AGPAT5: variants seen among roughly 807,000 people sequenced by gnomAD.
AGPAT5 encodes the protein 1-acylglycerol-3-phosphate O-acyltransferase 5, also known as 1-acyl-sn-glycerol-3-phosphate acyltransferase epsilon.
Under a neutral mutation model 45.6 loss-of-function variants are expected in AGPAT5, and 46 were observed. The observed-to-expected ratio is 1.01, with a 90% CI of 0.80 to 1.29. The LOEUF is 1.29. AGPAT5 is among the 50% of genes most tolerant of loss of function. The pLI is 0.00. For missense variants in AGPAT5, 673 were observed against 450.7 expected, an observed-to-expected ratio of 1.49 and a Z score of -4.47; for synonymous variants, 272 against 167.0, an observed-to-expected ratio of 1.63 and a Z score of -4.85.
intron 7 of AGPAT5, 75 bp from the exon 8 acceptor site, chr8:6,757,088 A>T: frequency 8.9e-7 from 1 of 1,128,866 alleles, no homozygotes; most frequent in Non-Finnish European, 1.3e-6. Context: ...AGCGTGTAAT[A>T]GCTACCTGAT....
chr8:6,747,278 G>A (rs1026320279), intron 5 of AGPAT5, among the ~76,000 whole-genome samples: 1 of 152,226 alleles, frequency 6.6e-6, no homozygotes, highest in Non-Finnish European at 1.5e-5. Flanking sequence ...AGAAACAGGA[G>A]GCCATGTGCT....
Position 6,757,159 on chromosome 8 carries a change from A to G in AGPAT5, c.870-4A>G, listed in dbSNP as rs200007113. 1,147 of 1,611,122 alleles carry G rather than the reference A, an allele frequency of 7.1e-4. 4 individuals carry two copies. In the Middle Eastern group the frequency reaches 0.013, roughly 18 times the overall value. On this transcript the variant is annotated splice_region_variant and splice_polypyrimidine_tract_variant and intron_variant, in intron 7 of 7. Coordinates refer to ENST00000285518, the MANE Select transcript of AGPAT5 (RefSeq NM_018361.5). ...AATCTAAACTTTTTCCATTCTGGCC[A>G]TAGGATGCTTATAGAATTTTATGAG...
At chr8:6,709,399 T>A (rs28476773) in intron 1 of AGPAT5, 100,751 of 155,750 alleles carry the variant, frequency 0.65, 33,184 homozygotes, top group African/African-American at 0.76. Flanking sequence ...ACTAGATACA[T>A]TTCTTGCCAA....
At chr8:6,728,088 T>A (rs1195416884) in intron 2 of AGPAT5, among the ~76,000 whole-genome samples, 1 of 152,174 alleles carries the variant, frequency 6.6e-6, no homozygotes, top group Non-Finnish European at 1.5e-5. Context: ...AGGGCCCTCA[T>A]GAATTAGGAA....
chr8:6,719,396 A>G (rs1220178999), intron 1 of AGPAT5, among the ~76,000 whole-genome samples: 1 of 152,218 alleles, frequency 6.6e-6, no homozygotes, highest in Admixed American at 6.5e-5. Context: ...AGTAGTAGGC[A>G]GGAATTCAAT....
rs1361819457 is a variant in AGPAT5 at position 6,761,043 on chromosome 8, G to A, written c.*3655G>A. Among the ~76,000 whole-genome samples, 1 of 152,034 alleles carries A rather than the reference G, an allele frequency of 6.6e-6. No homozygotes were observed. The highest frequency in any genetic ancestry group is 1.5e-5 in the Non-Finnish European group (1 of 68,028). ...GTAAATCTATTCCTGTAGCAACTGG[G>A]GAGTCATATATGAGGTCAAAGACAT... On this transcript the variant is annotated 3_prime_UTR_variant, in exon 8 of 8. Coordinates refer to ENST00000285518, the MANE Select transcript of AGPAT5 (RefSeq NM_018361.5).
intron 4 of AGPAT5, among the ~76,000 whole-genome samples, chr8:6,741,347 T>A (rs1217530894): frequency 1.3e-5 from 2 of 152,180 alleles, no homozygotes; most frequent in African/African-American, 4.8e-5. Flanking sequence ...TGAGGCTTTG[T>A]ATGAGTCAGC....
chr8:6,731,440 CTA>C (rs1800860186), intron 3 of AGPAT5, among the ~76,000 whole-genome samples: 1 of 152,108 alleles, frequency 6.6e-6, no homozygotes, highest in African/African-American at 2.4e-5. Flanking sequence ...TAAATCATCT[CTA>C]GATTACTTAT....
At chr8:6,750,256 A>T (rs1262055021) in intron 6 of AGPAT5, among the ~76,000 whole-genome samples, 1 of 152,206 alleles carries the variant, frequency 6.6e-6, no homozygotes, top group Non-Finnish European at 1.5e-5. Flanking sequence ...CAGCCGCATC[A>T]TAAGTGCCTT....
intron 1 of AGPAT5, among the ~76,000 whole-genome samples, chr8:6,716,510 C>T (rs1194639002): frequency 6.6e-6 from 1 of 151,554 alleles, no homozygotes; most frequent in East Asian, 1.9e-4. Context: ...CCAGCTTGGG[C>T]GACAGAGTGA....
chr8:6,712,816 A>T (rs892363908), intron 1 of AGPAT5, among the ~76,000 whole-genome samples: 2 of 152,230 alleles, frequency 1.3e-5, no homozygotes, highest in Admixed American at 1.3e-4. Flanking sequence ...AATAATGACA[A>T]ATCTTTTTAG....
At chr8:6,747,874 G>C (rs1457476509) in intron 6 of AGPAT5, 46 bp downstream of exon 6, 4 of 1,540,678 alleles carry the variant, frequency 2.6e-6, no homozygotes, top group East Asian at 2.3e-5. Context: ...GGTATATACA[G>C]TGCACATGTT....
At chr8:6,748,419 A>G (rs1455214942) in intron 6 of AGPAT5, among the ~76,000 whole-genome samples, 2 of 152,212 alleles carry the variant, frequency 1.3e-5, no homozygotes, top group Non-Finnish European at 2.9e-5. Context: ...CAAACAGGGA[A>G]GTGTGTGGAG....
chr8:6,749,194 C>A (rs1423108526), intron 6 of AGPAT5, among the ~76,000 whole-genome samples: 1 of 152,104 alleles, frequency 6.6e-6, no homozygotes, highest in Non-Finnish European at 1.5e-5. Flanking sequence ...AGATGAGGGT[C>A]ACTCAGGTTT....
At chr8:6,749,682 TTACC>T (rs1011203354) in intron 6 of AGPAT5, among the ~76,000 whole-genome samples, 11 of 152,248 alleles carry the variant, frequency 7.2e-5, no homozygotes, top group African/African-American at 2.7e-4. Flanking sequence ...AAGGAGTTAC[TTACC>T]TATTTTTGCA....
chr8:6,747,243 A>G (rs959433477), intron 5 of AGPAT5, among the ~76,000 whole-genome samples: 9 of 152,244 alleles, frequency 5.9e-5, no homozygotes, highest in Non-Finnish European at 8.8e-5. Flanking sequence ...GATGAACCTC[A>G]GATCCATGCT....
At chr8:6,734,859 C>G (rs369113566) in intron 4 of AGPAT5, among the ~76,000 whole-genome samples, 1 of 152,008 alleles carries the variant, frequency 6.6e-6, no homozygotes, top group Non-Finnish European at 1.5e-5. Context: ...TTCTGTAGAA[C>G]TCATTACTTT....
At chr8:6,736,346 T>C (rs2116913973) in intron 4 of AGPAT5, among the ~76,000 whole-genome samples, 1 of 152,356 alleles carries the variant, frequency 6.6e-6, no homozygotes, top group East Asian at 1.9e-4. Context: ...TCCATTCAAC[T>C]TCAGTGTTTT....
At chr8:6,709,022 C>T in intron 1 of AGPAT5, 135 bp downstream of exon 1, 1 of 833,888 alleles carries the variant, frequency 1.2e-6, no homozygotes, top group South Asian at 1.5e-5. Context: ...GTGCCGCCTC[C>T]CCGCCTTCCT....
Sources: allele counts gnomAD v4.1 joint callset (sites outside exome capture counted in the v4.1 genomes callset), GRCh38; gene constraint gnomAD v4.1.1; transcripts MANE v1.5; gene names NCBI Gene and HGNC (gene_info 2026-07-23, HGNC 2026-07-21).